Variants in CADPS observed in about 807,000 individuals in gnomAD.
CADPS encodes the protein calcium-dependent secretion activator 1.
CADPS carries 57 observed loss-of-function variants against 167.3 expected under a neutral mutation model. That is an observed-to-expected ratio of 0.34 (90% CI 0.28 to 0.42). The LOEUF is 0.42. Among genes scored for constraint, CADPS ranks in the 20% least tolerant of loss-of-function variants. CADPS has a pLI of 1.00. For missense variants in CADPS, 1,414 were observed against 1,738.1 expected, an observed-to-expected ratio of 0.81 and a Z score of 3.32; for synonymous variants, 676 against 635.3, an observed-to-expected ratio of 1.06 and a Z score of -0.96.
At chr3:62,691,854 T>C (rs1049954675) in intron 3 of CADPS, among the ~76,000 whole-genome samples, 1 of 152,012 alleles carries the variant, frequency 6.6e-6, no homozygotes, top group Admixed American at 6.6e-5. Context: ...GATGGGTTGA[T>C]GTGCAGCAAA....
intron 11 of CADPS, among the ~76,000 whole-genome samples, chr3:62,537,984 C>T (rs897107134): frequency 3.3e-5 from 5 of 152,128 alleles, no homozygotes; most frequent in Admixed American, 6.5e-5. Flanking sequence ...GCCCAAGACT[C>T]GCAGAAGCAA....
At chr3:62,611,257 G>C (rs1020970557) in intron 6 of CADPS, among the ~76,000 whole-genome samples, 1 of 152,094 alleles carries the variant, frequency 6.6e-6, no homozygotes, top group Non-Finnish European at 1.5e-5. Context: ...AAAGTGTAGA[G>C]TCATCCAGGA....
chr3:62,852,819 T>C (rs1405857414), intron 1 of CADPS, among the ~76,000 whole-genome samples: 1 of 152,178 alleles, frequency 6.6e-6, no homozygotes, highest in East Asian at 1.9e-4. Context: ...CATTTTTCCC[T>C]CAACACTTCA....
intron 28 of CADPS, among the ~76,000 whole-genome samples, chr3:62,429,901 T>C (rs762646341): frequency 1.6e-4 from 24 of 152,188 alleles, no homozygotes; most frequent in Admixed American, 8.5e-4. Context: ...GCTGTTCTGA[T>C]AAAGACACTT....
At chr3:62,554,536 C>T (rs887641598) in intron 10 of CADPS, among the ~76,000 whole-genome samples, 1 of 152,056 alleles carries the variant, frequency 6.6e-6, no homozygotes, top group Admixed American at 6.6e-5. Context: ...TGAAGTCCTC[C>T]CCATTTGCAC....
chr3:62,666,758 AG>A (rs1358681918), intron 3 of CADPS, among the ~76,000 whole-genome samples: 1 of 152,170 alleles, frequency 6.6e-6, no homozygotes, highest in African/African-American at 2.4e-5. Flanking sequence ...CAAGTCCACC[AG>A]AGACAATTGT....
intron 7 of CADPS, among the ~76,000 whole-genome samples, chr3:62,586,993 C>T (rs2084787105): frequency 6.6e-6 from 1 of 152,180 alleles, no homozygotes; most frequent in East Asian, 1.9e-4. Context: ...GGTTATAAAT[C>T]TGTAGTTTGA....
intron 1 of CADPS, among the ~76,000 whole-genome samples, chr3:62,868,857 A>C (rs910214721): frequency 1.3e-5 from 2 of 152,160 alleles, no homozygotes; most frequent in Non-Finnish European, 2.9e-5. Context: ...CTATATCTGG[A>C]GAGGACATTA....
Position 62,496,919 on chromosome 3 carries a change from A to C in CADPS, c.2706+2243T>G, listed in dbSNP as rs1351147103. On this transcript the variant is annotated intron_variant, in intron 18 of 29. Coordinates refer to ENST00000383710, the MANE Select transcript of CADPS (RefSeq NM_003716.4). ...GGTAAAATTTTTAATTTTGGAAAGA[A>C]TCCTGTACATTTATCTAAAAGAAAA... 2.0e-5 allele frequency among the ~76,000 whole-genome samples: 3 copies of C among 152,200 alleles called. No individual in the cohort carries two copies. In the East Asian group the frequency reaches 5.8e-4, roughly 29 times the overall value.
intron 1 of CADPS, among the ~76,000 whole-genome samples, chr3:62,795,091 G>A (rs1288814040): frequency 2.0e-5 from 3 of 151,896 alleles, no homozygotes; most frequent in Non-Finnish European, 4.4e-5. Flanking sequence ...CTCTCTTGAC[G>A]GAAAATGGCC....
intron 1 of CADPS, among the ~76,000 whole-genome samples, chr3:62,852,465 C>G (rs1469378508): frequency 2.0e-5 from 3 of 152,158 alleles, no homozygotes; most frequent in African/African-American, 7.2e-5. Flanking sequence ...GCATCCGTCT[C>G]TTCTTTCATT....
chr3:62,629,636 A>G (rs2064865543), intron 6 of CADPS, among the ~76,000 whole-genome samples: 1 of 152,172 alleles, frequency 6.6e-6, no homozygotes, highest in African/African-American at 2.4e-5. Flanking sequence ...AGACTCTCTG[A>G]GGGCTTCCTG....
intron 26 of CADPS, among the ~76,000 whole-genome samples, chr3:62,457,180 G>A (rs1251900971): frequency 6.6e-6 from 1 of 152,188 alleles, no homozygotes; most frequent in Non-Finnish European, 1.5e-5. Context: ...TCTAACAAGT[G>A]TCAAATACTT....
At position 62,567,379 on chromosome 3, in the gene CADPS, G is replaced by A. The variant is rs149670516; in HGVS notation, c.1644+3493C>T. On this transcript the variant is annotated intron_variant, in intron 9 of 29. Coordinates refer to ENST00000383710, the MANE Select transcript of CADPS (RefSeq NM_003716.4). ...TTTGCCAGACACTGGGCTAGGGACTGTGTATGCGTGTGGTGGAGGAAAGAG... is the reference window on the plus strand; with the variant it reads ...TTTGCCAGACACTGGGCTAGGGACTATGTATGCGTGTGGTGGAGGAAAGAG... Among the ~76,000 whole-genome samples, 563 of 151,878 alleles carry A rather than the reference G, an allele frequency of 3.7e-3. 5 individuals are homozygous for A. Among genetic ancestry groups the A allele is most frequent in the African/African-American group, 0.013 (526 of 41,416 alleles).
intron 6 of CADPS, among the ~76,000 whole-genome samples, chr3:62,608,775 A>G (rs833632): frequency 0.26 from 39,175 of 152,128 alleles, 5,618 homozygotes; most frequent in Middle Eastern, 0.54. Context: ...AGACATAACT[A>G]AAATTTGATG....
intron 8 of CADPS, among the ~76,000 whole-genome samples, chr3:62,584,306 C>A (rs1407046005): frequency 6.6e-6 from 1 of 152,100 alleles, no homozygotes; most frequent in African/African-American, 2.4e-5. Context: ...TGTGCCCAGC[C>A]GTAACCCTCA....
At chr3:62,621,909 T>TA (rs1554003692) in intron 6 of CADPS, among the ~76,000 whole-genome samples, 9 of 151,104 alleles carry the variant, frequency 6.0e-5, no homozygotes, top group South Asian at 2.1e-4. Context: ...TTTTTTTTTT[T>TA]AAATTTAGAG....
chr3:62,550,541 C>T (rs927840475), intron 10 of CADPS, among the ~76,000 whole-genome samples: 1 of 152,062 alleles, frequency 6.6e-6, no homozygotes, highest in Non-Finnish European at 1.5e-5. Context: ...ATTTTAGTAC[C>T]CATACGAACC....
chr3:62,866,130 C>A (rs1052792606), intron 1 of CADPS, among the ~76,000 whole-genome samples: 1 of 152,140 alleles, frequency 6.6e-6, no homozygotes, highest in South Asian at 2.1e-4. Context: ...GCAAGGGATT[C>A]ATAAAGAAGG....
Sources: gnomAD v4.1 joint callset for allele counts (sites outside exome capture counted in the v4.1 genomes callset) on GRCh38, gnomAD v4.1.1 for gene constraint, MANE v1.5 for transcripts, NCBI Gene and HGNC (gene_info 2026-07-23, HGNC 2026-07-21) for gene names.